DYNC2I1: variants seen among roughly 807,000 people sequenced by gnomAD.
The protein encoded by DYNC2I1 is dynein 2 intermediate chain 1, also known as cytoplasmic dynein 2 intermediate chain 1.
In DYNC2I1, 89 loss-of-function variants were observed where a neutral mutation model predicts 133.4. The observed-to-expected ratio is 0.67, with a 90% CI of 0.56 to 0.80. The LOEUF (loss-of-function observed/expected upper bound fraction) is 0.80. Among genes scored for constraint, DYNC2I1 ranks in the 30% least tolerant of loss-of-function variants. DYNC2I1 has a pLI of 0.00. For missense variants in DYNC2I1, 1,291 were observed against 1,314.5 expected (o/e 0.98, Z 0.28); for synonymous variants, 504 against 484.3 (o/e 1.04, Z -0.54).
chr7:158,949,917 A>G (rs1013707203), downstream of DYNC2I1, among the ~76,000 whole-genome samples: 4 of 151,770 alleles, frequency 2.6e-5, no homozygotes, highest in African/African-American at 9.7e-5. Context: ...GATTACAGGC[A>G]TGTGCCACCA....
chr7:158,948,769 G>T (rs1851963052), downstream of DYNC2I1, among the ~76,000 whole-genome samples: 1 of 152,148 alleles, frequency 6.6e-6, no homozygotes, highest in Admixed American at 6.5e-5. Flanking sequence ...TCAAGAGGGG[G>T]GTCCAGTCGC....
chr7:158,897,607 G>T (rs754730134), intron 8 of DYNC2I1, among the ~76,000 whole-genome samples: 24 of 152,160 alleles, frequency 1.6e-4, no homozygotes, highest in Non-Finnish European at 3.1e-4. Flanking sequence ...CCTTTCTGAC[G>T]CTAGTAATTT....
At chr7:158,929,164 G>A (rs146523729) in intron 20 of DYNC2I1, among the ~76,000 whole-genome samples, 24 of 152,274 alleles carry the variant, frequency 1.6e-4, no homozygotes, top group Admixed American at 9.8e-4. Context: ...AGGACGTTCC[G>A]ACCAGCCCGT....
chr7:158,927,199 C>G (rs1849708875), intron 20 of DYNC2I1, among the ~76,000 whole-genome samples, 156 bp downstream of exon 20: 1 of 151,740 alleles, frequency 6.6e-6, no homozygotes, highest in Admixed American at 6.6e-5. Flanking sequence ...CCCAGGAGTT[C>G]CAGACCAGCC....
chr7:158,894,766 G>A (rs372323803), intron 8 of DYNC2I1, among the ~76,000 whole-genome samples: 5 of 152,178 alleles, frequency 3.3e-5, no homozygotes, highest in South Asian at 4.1e-4. Context: ...GATAAATTGC[G>A]AAGCCATCTT....
At chr7:158,927,175 G>A in intron 20 of DYNC2I1, 132 bp downstream of exon 20, 1 of 630,978 alleles carries the variant, frequency 1.6e-6, no homozygotes, top group Admixed American at 2.9e-5. Context: ...GCTGAGGAAG[G>A]AGGATTGCTT....
intron 1 of DYNC2I1, among the ~76,000 whole-genome samples, chr7:158,859,873 C>T (rs186885923): frequency 2.0e-5 from 3 of 152,290 alleles, no homozygotes; most frequent in African/African-American, 2.4e-5. Context: ...AACAGGTTCT[C>T]AATTGCAAGT....
At chr7:158,884,518 C>A in intron 5 of DYNC2I1, 46 bp from the exon 6 acceptor site, 2 of 1,570,180 alleles carry the variant, frequency 1.3e-6, no homozygotes, top group Non-Finnish European at 1.7e-6. Flanking sequence ...TTACTTCATT[C>A]CGATATGCTA....
At chr7:158,894,255 T>C (rs1289112778) in intron 8 of DYNC2I1, among the ~76,000 whole-genome samples, 1 of 152,078 alleles carries the variant, frequency 6.6e-6, no homozygotes, top group Non-Finnish European at 1.5e-5. Context: ...TCACACCATA[T>C]ATCATGGCGC....
chr7:158,915,852 C>CGTCGACACGCTGGTTGAG (rs1848156284), intron 14 of DYNC2I1, among the ~76,000 whole-genome samples: 1 of 86,184 alleles, frequency 1.2e-5, no homozygotes, highest in African/African-American at 5.0e-5. Context: ...CGCTGGTTGA[C>CGTCGACACGCTGGTTGAG]ATTAAGGATG....
intron 20 of DYNC2I1, 61 bp from the exon 21 acceptor site, chr7:158,930,394 A>G: frequency 7.1e-7 from 1 of 1,408,544 alleles, no homozygotes; most frequent in East Asian, 2.3e-5. Flanking sequence ...AGGCAACTAT[A>G]ACTAGATTTT....
intron 7 of DYNC2I1, 106 bp downstream of exon 7, chr7:158,887,181 T>G (rs1310899984): frequency 1.8e-6 from 2 of 1,112,752 alleles, no homozygotes; most frequent in African/African-American, 3.1e-5. Context: ...ACAGGGCTCA[T>G]TTGCAGATGG....
chr7:158,922,640 G>A (rs899180553), intron 16 of DYNC2I1, 91 bp downstream of exon 16: 1 of 1,318,118 alleles, frequency 7.6e-7, no homozygotes, highest in South Asian at 1.4e-5. Context: ...ACGGAGAGAG[G>A]TGCAGGGACA....
At chr7:158,911,479 C>G in intron 11 of DYNC2I1, 71 bp from the exon 12 acceptor site, 1 of 1,517,308 alleles carries the variant, frequency 6.6e-7, no homozygotes, top group Non-Finnish European at 8.9e-7. Context: ...AAGTTTACTT[C>G]TGTTCTCCCT....
intron 4 of DYNC2I1, among the ~76,000 whole-genome samples, chr7:158,951,555 C>A (rs940605755): frequency 1.3e-5 from 2 of 152,214 alleles, no homozygotes; most frequent in African/African-American, 4.8e-5. Context: ...GGTGCTGGAG[C>A]CCCAGGGCAT....
At position 158,921,247 on chromosome 7, in the gene DYNC2I1, C is replaced by T. The variant is rs962504199; in HGVS notation, c.1922-1130C>T. The stretch of plus-strand genomic sequence containing the variant: ...ACGGGCCACAGGGAGATGGGAGCTT[C>T]TGGAGGAGGCGCTGCACGCACACAG... On this transcript the variant is annotated intron_variant, in intron 15 of 24. Coordinates refer to ENST00000407559, the MANE Select transcript of DYNC2I1 (RefSeq NM_018051.5). Among the ~76,000 whole-genome samples, 16 of 152,156 alleles carry T rather than the reference C, an allele frequency of 1.1e-4. 1 individual carries two copies. Among genetic ancestry groups the T allele is most frequent in the Admixed American group, 5.9e-4 (9 of 15,274 alleles).
At chr7:158,947,207 C>G (rs920235900), downstream of DYNC2I1, among the ~76,000 whole-genome samples, 5 of 152,162 alleles carry the variant, frequency 3.3e-5, no homozygotes, top group Admixed American at 6.5e-5. Flanking sequence ...AGTGGACAGG[C>G]ACGCGGCCTC....
At chr7:158,876,787 T>C in intron 4 of DYNC2I1, 96 bp downstream of exon 4, 1 of 1,431,178 alleles carries the variant, frequency 7.0e-7, no homozygotes, top group African/African-American at 1.5e-5. Context: ...GAAAATGTCC[T>C]AAGCCAGGAT....
upstream of DYNC2I1, among the ~76,000 whole-genome samples, chr7:158,851,904 A>G (rs945681960): frequency 6.6e-6 from 1 of 152,182 alleles, no homozygotes; most frequent in Non-Finnish European, 1.5e-5. Context: ...CTGACACACA[A>G]ATACTATTCT....
Sources: gnomAD v4.1 joint callset for allele counts (sites outside exome capture counted in the v4.1 genomes callset) on GRCh38, gnomAD v4.1.1 for gene constraint, MANE v1.5 for transcripts, NCBI Gene and HGNC (gene_info 2026-07-23, HGNC 2026-07-21) for gene names.